The following GXYLT1 variants were observed in gnomAD, a reference collection of about 807,000 sequenced individuals.
GXYLT1 encodes the protein glycosyltransferase 8 domain containing 3.
A neutral mutation model predicts 54.0 loss-of-function variants in GXYLT1; 29 were observed. The ratio of observed to expected loss-of-function variants is 0.54; its 90% confidence interval spans 0.40 to 0.73. GXYLT1 has a LOEUF of 0.73. Ranked by LOEUF, GXYLT1 falls within the 30% of genes least tolerant of loss-of-function variation. GXYLT1 has a pLI of 0.00. For missense variants in GXYLT1, 490 were observed against 553.4 expected, an observed-to-expected ratio of 0.89 and a Z score of 1.15; for synonymous variants, 176 against 204.1, an observed-to-expected ratio of 0.86 and a Z score of 1.17.
chr12:42,094,583 CA>C (rs1164941153), intron 7 of GXYLT1, among the ~76,000 whole-genome samples: 1 of 151,122 alleles, frequency 6.6e-6, no homozygotes, highest in African/African-American at 2.4e-5. Context: ...CGCTTGAGTC[CA>C]GGGGGCAGGG....
At chr12:42,088,000 T>C (rs573606046) in intron 7 of GXYLT1, 53 bp from the exon 8 acceptor site, 4 of 941,118 alleles carry the variant, frequency 4.3e-6, no homozygotes, top group African/African-American at 3.4e-5. Flanking sequence ...AAGGTACATA[T>C]GTAAGTTCAA....
intron 3 of GXYLT1, among the ~76,000 whole-genome samples, chr12:42,114,659 G>A (rs1256398438): frequency 6.6e-6 from 1 of 152,104 alleles, no homozygotes; most frequent in Non-Finnish European, 1.5e-5. Flanking sequence ...ACCAAAAAAA[G>A]TCCAGGACCA....
Position 42,130,024 on chromosome 12 carries a change from C to T in GXYLT1, c.222-173G>A, listed in dbSNP as rs531108299. Among the ~76,000 whole-genome samples the T allele has an allele frequency of 1.1e-3, 160 of 152,324 alleles. 1 individual carries two copies. Among genetic ancestry groups the T allele is most frequent in the Middle Eastern group, 0.01 (3 of 294 alleles). ...AAACTGATTTCTCCCTTACTTAGGG[C>T]ACCATTATTTTAAATAGAACTTTAA... On this transcript the variant is annotated intron_variant, in intron 1 of 7. Transcript: ENST00000398675.
intron 2 of GXYLT1, among the ~76,000 whole-genome samples, chr12:42,127,789 A>C (rs1460889299): frequency 1.3e-5 from 2 of 152,264 alleles, no homozygotes; most frequent in Non-Finnish European, 1.5e-5. Context: ...AATATTCGTA[A>C]GAATGAAAAC....
intron 5 of GXYLT1, 25 bp downstream of exon 5, chr12:42,105,793 A>G (rs2065415734): frequency 6.4e-7 from 1 of 1,561,594 alleles, no homozygotes; most frequent in South Asian, 1.2e-5. Flanking sequence ...AGAAATGTTA[A>G]CAACTACCTG....
intron 3 of GXYLT1, among the ~76,000 whole-genome samples, chr12:42,115,632 G>C (rs1352978968): frequency 6.6e-6 from 1 of 151,860 alleles, no homozygotes; most frequent in African/African-American, 2.4e-5. Context: ...AATAAAAGAG[G>C]ATACAAACAA....
intron 1 of GXYLT1, among the ~76,000 whole-genome samples, chr12:42,142,488 C>A (rs2065657281): frequency 6.6e-6 from 1 of 151,890 alleles, no homozygotes; most frequent in Non-Finnish European, 1.5e-5. Context: ...AGGTGTGAAA[C>A]ACCACATTCA....
chr12:42,125,207 A>T lies in GXYLT1; in HGVS notation c.314+4552T>A, dbSNP rs534808799. ...AGGAGCAACAGTGTGAAAGGAGACAAGAAGAGTTAATGTAGACTGACATGT... is the reference window on the plus strand; with the variant it reads ...AGGAGCAACAGTGTGAAAGGAGACATGAAGAGTTAATGTAGACTGACATGT... On this transcript the variant is annotated intron_variant, in intron 2 of 7. Transcript: ENST00000398675. Among the ~76,000 whole-genome samples the T allele has an allele frequency of 3.3e-5, 5 of 152,334 alleles. No homozygotes were observed. The East Asian group carries it at 9.6e-4, about 29-fold the overall frequency.
intron 2 of GXYLT1, among the ~76,000 whole-genome samples, chr12:42,128,751 T>TG (rs1412314212): frequency 6.6e-6 from 1 of 152,084 alleles, no homozygotes; most frequent in Non-Finnish European, 1.5e-5. Flanking sequence ...TGAAGAGCAG[T>TG]GGCGTCATCA....
rs1046784275 is a variant in GXYLT1 at position 42,097,263 on chromosome 12, T to C, written c.1161+179A>G. On this transcript the variant is annotated intron_variant, in intron 7 of 7. Coordinates refer to ENST00000398675, the MANE Select transcript of GXYLT1 (RefSeq NM_173601.2). ...TGAGTTTTCTGAAAAAACAACTACA[T>C]TGTTTTCAGGAAAAAAAAATGTAGA... 3.9e-5 allele frequency among the ~76,000 whole-genome samples: 6 copies of C among 152,130 alleles called. No individual in the cohort carries two copies. The South Asian group carries it at 8.3e-4, about 21-fold the overall frequency.
intron 3 of GXYLT1, among the ~76,000 whole-genome samples, chr12:42,110,556 T>C (rs750213871): frequency 1.3e-5 from 2 of 152,316 alleles, no homozygotes; most frequent in African/African-American, 4.8e-5. Flanking sequence ...TATTTTATTA[T>C]TGTTTTGAGA....
chr12:42,132,856 T>C (rs1283181874), intron 1 of GXYLT1, among the ~76,000 whole-genome samples: 4 of 152,156 alleles, frequency 2.6e-5, no homozygotes, highest in Admixed American at 6.5e-5. Flanking sequence ...GACCAACATA[T>C]TGAACAACTC....
intron 2 of GXYLT1, among the ~76,000 whole-genome samples, chr12:42,124,300 T>C (rs11181341): frequency 0.15 from 22,267 of 151,836 alleles, 1,741 homozygotes; most frequent in South Asian, 0.22. Flanking sequence ...ACTAAAGTCA[T>C]AGAAAAATTA....
intron 5 of GXYLT1, among the ~76,000 whole-genome samples, chr12:42,102,781 A>C (rs2065397271): frequency 6.6e-6 from 1 of 152,140 alleles, no homozygotes; most frequent in Non-Finnish European, 1.5e-5. Context: ...TCAACACGGC[A>C]AATACGATAC....
At position 42,118,992 on chromosome 12, in the gene GXYLT1, ATACT is replaced by A. The variant is rs764584953; in HGVS notation, c.486+4_486+7del. The A allele has an allele frequency of 2.9e-6, 4 of 1,360,082 alleles. No individual in the cohort carries two copies. The Admixed American group carries it at 7.4e-5, about 25-fold the overall frequency. 84.3% of individuals were successfully genotyped at this position (1,360,082 alleles called of 1,614,324 possible). A position where few individuals can be genotyped will look rare whatever the true frequency, so the allele number is the denominator to read the frequency against. The stretch of plus-strand genomic sequence containing the variant: ...CTCTACAACCTTGACTATGTCTCAA[ATACT>A]TACTCTGCCTTTAAAGCTATGATGT... On this transcript the variant is annotated splice_donor_5th_base_variant and intron_variant, in intron 3 of 7. Coordinates refer to ENST00000398675, the MANE Select transcript of GXYLT1 (RefSeq NM_173601.2).
At chr12:42,100,828 T>G (rs1320751742) in intron 5 of GXYLT1, among the ~76,000 whole-genome samples, 2 of 152,088 alleles carry the variant, frequency 1.3e-5, no homozygotes, top group Non-Finnish European at 2.9e-5. Flanking sequence ...CAGACAGAAC[T>G]GGTGGAGCCC....
In GXYLT1 at chr12:42,144,566, G is replaced by A. The variant is rs1297990124; in HGVS notation, c.81C>T (p.Ala27=). Residue 27 remains alanine, a synonymous_variant, in exon 1 of 8, where the codon GCC becomes GCT. Coordinates refer to ENST00000398675, the MANE Select transcript of GXYLT1 (RefSeq NM_173601.2). Reference sequence around the variant, plus strand: ...CGCCCGTTCCTTCTTCCAGGGACACGGCGAGCTGGCTGAAAGCGTAAAGGA... The same window carrying A: ...CGCCCGTTCCTTCTTCCAGGGACACAGCGAGCTGGCTGAAAGCGTAAAGGA... The part of the protein sequence containing the change: ...CSLLYAFSQL[A]VSLEEGTGGG... The A allele has an allele frequency of 3.4e-6, 5 of 1,467,700 alleles. No homozygotes were observed. Among genetic ancestry groups the A allele is most frequent in the South Asian group, 1.3e-5 (1 of 74,976 alleles). The allele number at this position is 1,467,700 out of a possible 1,614,324, so 90.9% of individuals were successfully genotyped here.
rs533495382 is a variant in GXYLT1 at position 42,121,182 on chromosome 12, A to G, written c.315-2011T>C. Among the ~76,000 whole-genome samples the G allele has an allele frequency of 5.9e-5, 9 of 152,332 alleles. No homozygotes were observed. In the South Asian group the frequency reaches 1.2e-3, roughly 21 times the overall value. The stretch of plus-strand genomic sequence containing the variant: ...TTACAGCATCATGATTTAAGAATCA[A>G]TAACAGGCTCGGATTGCTTTACTGG... On this transcript the variant is annotated intron_variant, in intron 2 of 7. Transcript: ENST00000398675.
chr12:42,093,651 ATCT>A (rs2065340542), intron 7 of GXYLT1, among the ~76,000 whole-genome samples: 1 of 152,174 alleles, frequency 6.6e-6, no homozygotes, highest in South Asian at 2.1e-4. Flanking sequence ...AGTATCTGAA[ATCT>A]TCTGGTTAAA....
Sources: allele counts gnomAD v4.1 joint callset (sites outside exome capture counted in the v4.1 genomes callset), GRCh38; gene constraint gnomAD v4.1.1; transcripts MANE v1.5; gene names NCBI Gene and HGNC (gene_info 2026-07-23, HGNC 2026-07-21).